WLS: variants seen among roughly 807,000 people sequenced by gnomAD.
WLS encodes the protein protein wntless homolog.
In WLS, 23 loss-of-function variants were observed where a neutral mutation model predicts 62.8. That is an observed-to-expected ratio of 0.37 (90% CI 0.26 to 0.52). The LOEUF is 0.52. Ranked by LOEUF, WLS falls within the 20% of genes least tolerant of loss-of-function variation. The probability of loss-of-function intolerance (pLI) is 0.92; values close to 1 mark genes in which losing one functional copy is unlikely to be tolerated. For synonymous variants in WLS, 246 were observed against 244.1 expected (o/e 1.01, Z -0.07); for missense variants, 615 against 697.3 (o/e 0.88, Z 1.33).
rs554100070 is a variant in WLS at position 68,167,285 on chromosome 1, A to T, written c.380-8038T>A. Among the ~76,000 whole-genome samples, 12 of 152,262 alleles carry T rather than the reference A, an allele frequency of 7.9e-5. No individual in the cohort carries two copies. The South Asian group carries it at 1.9e-3, about 24-fold the overall frequency. On this transcript the variant is annotated intron_variant, in intron 2 of 11. Transcript: ENST00000262348. ...TTCCCACTATGAATCCCTAATCCAA[A>T]CCTAGATCACAAAACCCAGAAACGG...
chr1:68,172,901 C>A (rs1274228463), intron 2 of WLS, among the ~76,000 whole-genome samples: 3 of 152,122 alleles, frequency 2.0e-5, no homozygotes, highest in Non-Finnish European at 4.4e-5. Context: ...GGTCTAATGA[C>A]AAAGGGAAGA....
At chr1:68,172,080 A>C (rs1312255109) in intron 2 of WLS, among the ~76,000 whole-genome samples, 2 of 151,032 alleles carry the variant, frequency 1.3e-5, no homozygotes, top group Non-Finnish European at 2.9e-5. Context: ...ACCAAACACC[A>C]CATGTTCTCA....
At chr1:68,193,446 A>G (rs1648477943) in intron 2 of WLS, among the ~76,000 whole-genome samples, 2 of 137,572 alleles carry the variant, frequency 1.5e-5, no homozygotes, top group Admixed American at 7.7e-5. Context: ...AAAAAAACGA[A>G]AAAAAAACCT....
Position 68,187,636 on chromosome 1 carries a change from C to A in WLS, c.379+6319G>T, listed in dbSNP as rs961894158. On this transcript the variant is annotated intron_variant, in intron 2 of 11. Transcript: ENST00000262348. Reference sequence around the variant, plus strand: ...TAGTTTCTGGTTTGGGAGAAATGCTCAAGAGTTGAGCTTAAAATCATTTTA... The same window carrying A: ...TAGTTTCTGGTTTGGGAGAAATGCTAAAGAGTTGAGCTTAAAATCATTTTA... Among the ~76,000 whole-genome samples the A allele has an allele frequency of 2.6e-5, 4 of 152,186 alleles. No individual in the cohort carries two copies. In the East Asian group the frequency reaches 7.7e-4, roughly 29 times the overall value.
At position 68,194,166 on chromosome 1, in the gene WLS, G is replaced by A. The variant is rs150301835; in HGVS notation, c.168C>T (p.Asn56=). The A allele has an allele frequency of 1.5e-3, 2,433 of 1,614,178 alleles. 3 individuals are homozygous for A. Among genetic ancestry groups the A allele is most frequent in the Non-Finnish European group, 1.9e-3 (2,250 of 1,180,030 alleles). Residue 56 remains asparagine (N), a synonymous_variant, in exon 2 of 12, where the codon AAC becomes AAT. Transcript: ENST00000262348. ...GCACGAACCATTTTGTCTTGTGATG[G>A]TTCTTACGGGCATCCACACATTTCA... is the stretch of plus-strand genomic sequence containing the variant. ...MSVKCVDARK[N]HHKTKWFVPW... is the part of the protein sequence containing the mutation.
In WLS at chr1:68,150,261, C is replaced by A; in HGVS notation, c.899G>T (p.Gly300Val). Reference sequence around the variant, plus strand: ...ATAGAAGATGCCCTGTCGGATGTCACCAAACAGCAGCATCCAGGTCCAGTC... The same window carrying A: ...ATAGAAGATGCCCTGTCGGATGTCAACAAACAGCAGCATCCAGGTCCAGTC... ...GFDWTWMLLF[G>V]DIRQGIFYAM... The change falls in exon 6 of 12, where the codon GGT (glycine) becomes GTT (valine). Residue 300 changes from glycine (G) to valine (V), a missense_variant. Coordinates refer to ENST00000262348, the MANE Select transcript of WLS (RefSeq NM_024911.7). The A allele has an allele frequency of 6.2e-7, 1 of 1,614,152 alleles. No individual in the cohort carries two copies. Among genetic ancestry groups the A allele is most frequent in the East Asian group, 2.2e-5 (1 of 44,876 alleles).
intron 11 of WLS, among the ~76,000 whole-genome samples, chr1:68,135,696 C>G (rs1646599316): frequency 6.6e-6 from 1 of 152,180 alleles, no homozygotes; most frequent in African/African-American, 2.4e-5. Context: ...GGTAGAAACT[C>G]TACCTACTCA....
chr1:68,121,113 C>T (rs1458021837), downstream of WLS: 1 of 152,088 alleles, frequency 6.6e-6, no homozygotes, highest in Admixed American at 6.5e-5. Flanking sequence ...AAATCCTGTA[C>T]CATTTTCCTA....
intron 1 of WLS, among the ~76,000 whole-genome samples, chr1:68,213,025 A>G (rs1216987562): frequency 1.3e-5 from 2 of 152,232 alleles, no homozygotes; most frequent in Non-Finnish European, 1.5e-5. Flanking sequence ...ATGTCTGAAG[A>G]TTTATTTTAG....
intron 3 of WLS, among the ~76,000 whole-genome samples, chr1:68,156,152 G>C (rs1482231393): frequency 6.6e-6 from 1 of 152,122 alleles, no homozygotes; most frequent in Non-Finnish European, 1.5e-5. Context: ...GGGTAAAGAT[G>C]AGCATAAAGA....
intron 2 of WLS, 183 bp downstream of exon 2, chr1:68,193,772 G>T: frequency 1.4e-6 from 1 of 737,582 alleles, no homozygotes; most frequent in Non-Finnish European, 2.1e-6. Flanking sequence ...CTACCTCAAG[G>T]AACCTGGTGG....
chr1:68,179,215 C>A (rs777094136), intron 2 of WLS, among the ~76,000 whole-genome samples: 15 of 152,200 alleles, frequency 9.9e-5, no homozygotes, highest in Non-Finnish European at 2.2e-4. Context: ...CATCTATTTA[C>A]AAAACCAAAG....
At chr1:68,226,010 C>G (rs1486067658) in intron 1 of WLS, among the ~76,000 whole-genome samples, 2 of 152,214 alleles carry the variant, frequency 1.3e-5, no homozygotes, top group Non-Finnish European at 2.9e-5. Flanking sequence ...ATTGGTTGGA[C>G]TGGCACAGGC....
chr1:68,201,155 A>C (rs1203969088), intron 1 of WLS, among the ~76,000 whole-genome samples: 1 of 152,192 alleles, frequency 6.6e-6, no homozygotes, highest in Non-Finnish European at 1.5e-5. Context: ...AATATACTGC[A>C]CAACTTCAGT....
At chr1:68,123,860 T>C (rs1411244673), downstream of WLS, among the ~76,000 whole-genome samples, 1 of 152,180 alleles carries the variant, frequency 6.6e-6, no homozygotes, top group Non-Finnish European at 1.5e-5. Context: ...TAGGGGCCCT[T>C]AGAGCTGCCC....
At chr1:68,193,435 A>AC (rs1648470626) in intron 2 of WLS, among the ~76,000 whole-genome samples, 1 of 136,412 alleles carries the variant, frequency 7.3e-6, no homozygotes, top group Non-Finnish European at 1.6e-5. Context: ...AAAAAAAAAA[A>AC]AAAAAAACGA....
At chr1:68,132,993 G>A (rs911418093) in intron 11 of WLS, among the ~76,000 whole-genome samples, 2 of 151,984 alleles carry the variant, frequency 1.3e-5, no homozygotes, top group African/African-American at 4.8e-5. Flanking sequence ...CATCCAGAAT[G>A]ATTCACAAAT....
At chr1:68,198,988 G>T (rs1648837034) in intron 1 of WLS, among the ~76,000 whole-genome samples, 2 of 152,178 alleles carry the variant, frequency 1.3e-5, no homozygotes. Context: ...CCAACCGCTA[G>T]CATTTATCAT....
intron 11 of WLS, among the ~76,000 whole-genome samples, chr1:68,106,954 G>A (rs929316341): frequency 5.3e-5 from 8 of 152,158 alleles, no homozygotes; most frequent in African/African-American, 1.9e-4. Context: ...AACTAAGTCG[G>A]TATGCATTTG....
Sources: allele counts gnomAD v4.1 joint callset (sites outside exome capture counted in the v4.1 genomes callset), GRCh38; gene constraint gnomAD v4.1.1; transcripts MANE v1.5; gene names NCBI Gene and HGNC (gene_info 2026-07-23, HGNC 2026-07-21).